PCDHGA2: variants seen among roughly 807,000 people sequenced by gnomAD.
PCDHGA2 encodes the protein protocadherin gamma subfamily A, 2, also known as protocadherin gamma-A2.
Under a neutral mutation model 59.2 loss-of-function variants are expected in PCDHGA2, and 40 were observed. The observed-to-expected ratio is 0.68, with a 90% CI of 0.52 to 0.88. The LOEUF (loss-of-function observed/expected upper bound fraction) is 0.88, where lower values mean the gene tolerates loss of function less well. Ranked by LOEUF, PCDHGA2 falls within the 40% of genes least tolerant of loss-of-function variation. The pLI is 0.00. For synonymous variants in PCDHGA2, 560 were observed against 526.0 expected, an observed-to-expected ratio of 1.06 and a Z score of -0.89; for missense variants, 1,226 against 1,204.0, an observed-to-expected ratio of 1.02 and a Z score of -0.27.
rs1374094845 is a variant in PCDHGA2, at chr5:141,476,576, T to A, written c.2425-18231T>A. On this transcript the variant is annotated intron_variant, in intron 1 of 3. Coordinates refer to ENST00000394576, the MANE Select transcript of PCDHGA2 (RefSeq NM_018915.4). The surrounding 1 kb of genome is among the most constrained non-coding windows in gnomAD (Gnocchi z 7.6). Reference sequence around the variant, plus strand: ...CGAGGCCGTGGCTCCGGGGACGCGCTTTCCGCTCGAGAGCGCGCACGATCC... The same window carrying A: ...CGAGGCCGTGGCTCCGGGGACGCGCATTCCGCTCGAGAGCGCGCACGATCC... 3 of 1,614,102 alleles carry A rather than the reference T, an allele frequency of 1.9e-6. No individual in the cohort carries two copies. Among genetic ancestry groups the A allele is most frequent in the Middle Eastern group, 1.6e-4 (1 of 6,084 alleles).
chr5:141,343,432 A>G, intron 1 of PCDHGA2: 1 of 934,382 alleles, frequency 1.1e-6, no homozygotes, highest in African/African-American at 1.8e-5. Flanking sequence ...TAGTAAGTAT[A>G]AGAATAAACA....
At chr5:141,461,422 C>A (rs2099015157) in intron 1 of PCDHGA2, among the ~76,000 whole-genome samples, 1 of 151,930 alleles carries the variant, frequency 6.6e-6, no homozygotes, top group African/African-American at 2.4e-5. Flanking sequence ...TGTTTGTGGG[C>A]CATTTGTATA....
chr5:141,484,375 G>C (rs188702244), intron 1 of PCDHGA2, among the ~76,000 whole-genome samples: 2 of 152,258 alleles, frequency 1.3e-5, no homozygotes, highest in African/African-American at 4.8e-5. Flanking sequence ...ACTAGCAAAT[G>C]TCTGAATAAG....
chr5:141,348,656 T>G (rs1223730664), intron 1 of PCDHGA2, among the ~76,000 whole-genome samples: 3 of 152,142 alleles, frequency 2.0e-5, no homozygotes, highest in Non-Finnish European at 4.4e-5. Context: ...AGACATCCCA[T>G]TTTCACTAAA....
At chr5:141,433,358 C>CCTATCTATCTAT (rs3074541) in intron 1 of PCDHGA2, 6,701 of 503,954 alleles carry the variant, frequency 0.013, 75 homozygotes, top group East Asian at 0.016. Context: ...CTACTGTCTG[C>CCTATCTATCTAT]CTATCTATCT....
At chr5:141,374,428 T>A in intron 1 of PCDHGA2, 16 of 1,613,952 alleles carry the variant, frequency 9.9e-6, no homozygotes, top group Non-Finnish European at 1.4e-5. Context: ...ATAAACTGAA[T>A]CTTTATCCCG....
At chr5:141,371,382 T>A (rs774974302) in intron 1 of PCDHGA2, 1 of 1,613,888 alleles carries the variant, frequency 6.2e-7, no homozygotes, top group Non-Finnish European at 8.5e-7. Flanking sequence ...TCACACTGCA[T>A]ATTGTAAAGT....
At chr5:141,433,031 T>G (rs2097561851) in intron 1 of PCDHGA2, 2 of 1,614,088 alleles carry the variant, frequency 1.2e-6, no homozygotes, top group Non-Finnish European at 8.5e-7. Flanking sequence ...CCACGAGGTT[T>G]CCCTCACCAC....
At chr5:141,413,306 A>G in intron 1 of PCDHGA2, 1 of 1,613,958 alleles carries the variant, frequency 6.2e-7, no homozygotes, top group Non-Finnish European at 8.5e-7. Context: ...GAGGAATTAG[A>G]GAAAGGCTCT....
intron 1 of PCDHGA2, chr5:141,415,556 CTT>C: frequency 6.2e-7 from 1 of 1,614,078 alleles, no homozygotes; most frequent in Non-Finnish European, 8.5e-7. Context: ...AAAAACGATC[CTT>C]TGTCTTTGTT....
intron 1 of PCDHGA2, chr5:141,441,078 G>T (rs1443239760): frequency 2.0e-5 from 3 of 152,140 alleles, no homozygotes; most frequent in Non-Finnish European, 4.4e-5. Context: ...CCATGGTTTT[G>T]GTAGCAAGTG....
At chr5:141,450,134 G>A (rs1267554616) in intron 1 of PCDHGA2, among the ~76,000 whole-genome samples, 1 of 151,424 alleles carries the variant, frequency 6.6e-6, no homozygotes, top group East Asian at 2.0e-4. Context: ...AGCCTCCTGA[G>A]TAGCTGGGAC....
intron 1 of PCDHGA2, chr5:141,421,949 C>T (rs749189262): frequency 6.2e-6 from 10 of 1,612,856 alleles, no homozygotes; most frequent in Non-Finnish European, 6.8e-6. Flanking sequence ...GATCACATCC[C>T]AATGTTTACA....
intron 3 of PCDHGA2, among the ~76,000 whole-genome samples, chr5:141,506,381 G>A (rs750584158): frequency 2.0e-5 from 3 of 151,216 alleles, no homozygotes; most frequent in Non-Finnish European, 4.4e-5. Context: ...CCTGGGAGGT[G>A]GCTGTGGTGA....
chr5:141,429,879 A>T (rs2097250861), intron 1 of PCDHGA2, among the ~76,000 whole-genome samples: 1 of 152,210 alleles, frequency 6.6e-6, no homozygotes, highest in African/African-American at 2.4e-5. Context: ...TCTTTTACTA[A>T]GTTTCCTGAA....
intron 1 of PCDHGA2, among the ~76,000 whole-genome samples, chr5:141,354,452 G>T (rs1759546066): frequency 6.6e-6 from 1 of 152,160 alleles, no homozygotes; most frequent in Non-Finnish European, 1.5e-5. Flanking sequence ...TATCCTATTT[G>T]TCAATCTCAT....
chr5:141,341,717 A>C lies in PCDHGA2; in HGVS notation c.2424+322A>C, dbSNP rs952386254. 8.3e-6 allele frequency: 4 copies of C among 483,170 alleles called. No homozygotes were observed. In the Admixed American group the frequency reaches 1.5e-4, roughly 19 times the overall value. 29.9% of individuals were successfully genotyped at this position (483,170 alleles called of 1,614,324 possible). The stretch of plus-strand genomic sequence containing the variant: ...TGGGCAAATCATCTCATCCACCCAG[A>C]TCAACAATTTTTTCTTTGTTAAAAA... On this transcript the variant is annotated intron_variant, in intron 1 of 3. Coordinates refer to ENST00000394576, the MANE Select transcript of PCDHGA2 (RefSeq NM_018915.4).
chr5:141,412,973 C>G, intron 1 of PCDHGA2: 1 of 528,318 alleles, frequency 1.9e-6, no homozygotes, highest in Non-Finnish European at 3.3e-6. Flanking sequence ...GGAGAGAAAA[C>G]GCAGCCAGAG....
intron 1 of PCDHGA2, among the ~76,000 whole-genome samples, chr5:141,472,516 G>T (rs545962540): frequency 2.0e-5 from 3 of 152,072 alleles, no homozygotes; most frequent in Non-Finnish European, 4.4e-5. Flanking sequence ...CTCCAGCCTG[G>T]GTGACAGAGT....
Sources: allele counts gnomAD v4.1 joint callset (sites outside exome capture counted in the v4.1 genomes callset), GRCh38; gene constraint gnomAD v4.1.1; non-coding constraint Gnocchi (gnomAD v3.1); transcripts MANE v1.5; gene names NCBI Gene and HGNC (gene_info 2026-07-23, HGNC 2026-07-21).